The following GRIP1 variants were observed in gnomAD, a reference collection of about 807,000 sequenced individuals.
GRIP1 encodes the protein glutamate receptor-interacting protein 1.
Under a neutral mutation model 129.9 loss-of-function variants are expected in GRIP1, and 45 were observed. The observed-to-expected ratio is 0.35, with a 90% CI of 0.27 to 0.44. GRIP1 has a LOEUF of 0.44. Ranked by LOEUF, GRIP1 falls within the 20% of genes least tolerant of loss-of-function variation. GRIP1 has a pLI of 1.00. For missense variants in GRIP1, 1,196 were observed against 1,396.8 expected, an observed-to-expected ratio of 0.86 and a Z score of 2.29; for synonymous variants, 530 against 520.8, an observed-to-expected ratio of 1.02 and a Z score of -0.24.
chr12:66,664,251 T>C (rs2136206501), intron 1 of GRIP1, among the ~76,000 whole-genome samples: 1 of 152,332 alleles, frequency 6.6e-6, no homozygotes, highest in Admixed American at 6.5e-5. Flanking sequence ...GCTCAGACTC[T>C]ACTACCTGCA....
Position 66,515,755 on chromosome 12 carries a change from C to T in GRIP1, c.588G>A (p.Thr196=), listed in dbSNP as rs377676241. ...RPGGPADREG[T]IKPGDRLLSV... is the part of the protein sequence containing the mutation. ...TGAGCAACCTGTCACCGGGTTTGAT[C>T]GTGCCCTCTCTGAAGGGAGAATAAA... Residue 196 remains threonine, a synonymous_variant, in exon 7 of 25, where the codon ACG becomes ACA. Transcript: ENST00000359742. The T allele has an allele frequency of 3.4e-5, 55 of 1,613,480 alleles. No individual in the cohort carries two copies. The East Asian group carries it at 7.1e-4, about 21-fold the overall frequency.
At chr12:66,494,943 A>G (rs1214511002) in intron 7 of GRIP1, among the ~76,000 whole-genome samples, 1 of 152,162 alleles carries the variant, frequency 6.6e-6, no homozygotes, top group Non-Finnish European at 1.5e-5. Context: ...CATCTCAAAA[A>G]AGAAGAAATA....
At chr12:66,794,554 G>A (rs1450759657) in intron 1 of GRIP1, among the ~76,000 whole-genome samples, 5 of 152,138 alleles carry the variant, frequency 3.3e-5, no homozygotes, top group Admixed American at 6.6e-5. Context: ...GGGAGGATAC[G>A]ATTAAAAATA....
intron 1 of GRIP1, among the ~76,000 whole-genome samples, chr12:66,835,711 G>A (rs1216375629): frequency 1.3e-5 from 2 of 152,186 alleles, no homozygotes; most frequent in African/African-American, 4.8e-5. Flanking sequence ...CAAAACTAAG[G>A]ACAGTAAAAA....
At chr12:66,933,557 T>A (rs1029616687) in intron 1 of GRIP1, among the ~76,000 whole-genome samples, 1 of 152,148 alleles carries the variant, frequency 6.6e-6, no homozygotes, top group Non-Finnish European at 1.5e-5. Context: ...TCCAAAAAAA[T>A]TTAATTGAGG....
At chr12:67,029,835 G>A (rs1467058456) in intron 1 of GRIP1, among the ~76,000 whole-genome samples, 4 of 151,828 alleles carry the variant, frequency 2.6e-5, no homozygotes, top group Non-Finnish European at 4.4e-5. Context: ...TTTTGTATTT[G>A]AAGACATTCA....
rs143063629 is a variant in GRIP1 at position 66,897,203 on chromosome 12, C to T, written c.58+171847G>A. 3.9e-4 allele frequency among the ~76,000 whole-genome samples: 59 copies of T among 152,302 alleles called. No homozygotes were observed. In the East Asian group the frequency reaches 0.011, roughly 29 times the overall value. On this transcript the variant is annotated intron_variant, in intron 1 of 1. Coordinates refer to the GRIP1 transcript ENST00000643019. ...AGCACTTAGATGGGCACCCACCACC[C>T]AGGAGGCACTCGGTATGTGTCAATG... is the stretch of plus-strand genomic sequence containing the variant.
intron 23 of GRIP1, among the ~76,000 whole-genome samples, chr12:66,363,186 TGTGTGTGTGTGTCC>T (rs2054890384): frequency 2.0e-5 from 1 of 49,664 alleles, no homozygotes; most frequent in African/African-American, 6.6e-5. Flanking sequence ...TATGTATATA[TGTGTGTGTGTGTCC>T]ATATATATAT....
At chr12:66,466,643 T>C (rs1469924503) in intron 7 of GRIP1, among the ~76,000 whole-genome samples, 1 of 152,216 alleles carries the variant, frequency 6.6e-6, no homozygotes, top group Admixed American at 6.5e-5. Context: ...ACCTATACAA[T>C]GGTATCTTTT....
At chr12:66,602,023 T>G (rs1048243752) in intron 1 of GRIP1, among the ~76,000 whole-genome samples, 2 of 152,044 alleles carry the variant, frequency 1.3e-5, no homozygotes, top group Non-Finnish European at 2.9e-5. Flanking sequence ...TAGGTGGAGG[T>G]GAAGCACAGG....
At chr12:66,408,692 C>T (rs2057284303) in intron 15 of GRIP1, among the ~76,000 whole-genome samples, 1 of 152,048 alleles carries the variant, frequency 6.6e-6, no homozygotes, top group Non-Finnish European at 1.5e-5. Context: ...TAGGTACCAG[C>T]TCTGCAACAG....
intron 1 of GRIP1, among the ~76,000 whole-genome samples, chr12:66,783,903 T>A (rs2038236037): frequency 6.6e-6 from 1 of 152,186 alleles, no homozygotes; most frequent in Non-Finnish European, 1.5e-5. Flanking sequence ...GTAGTAGAAC[T>A]GAGACATTTA....
At chr12:66,885,701 C>A (rs1246912024) in intron 1 of GRIP1, among the ~76,000 whole-genome samples, 1 of 152,140 alleles carries the variant, frequency 6.6e-6, no homozygotes, top group East Asian at 1.9e-4. Flanking sequence ...GGTAAGCCTG[C>A]CAATCTCTCT....
intron 7 of GRIP1, among the ~76,000 whole-genome samples, chr12:66,467,645 G>A (rs1196702736): frequency 6.6e-6 from 1 of 152,150 alleles, no homozygotes; most frequent in East Asian, 1.9e-4. Context: ...AAAGATCTGT[G>A]GCTGAGCCCA....
intron 2 of GRIP1, among the ~76,000 whole-genome samples, chr12:66,555,828 G>A (rs1252372399): frequency 3.3e-5 from 5 of 151,896 alleles, no homozygotes; most frequent in Admixed American, 3.3e-4. Context: ...CAAGCAGAAG[G>A]AAGAATTAAT....
intron 23 of GRIP1, among the ~76,000 whole-genome samples, chr12:66,365,450 A>C (rs1039213112): frequency 1.3e-5 from 2 of 152,198 alleles, no homozygotes; most frequent in Admixed American, 1.3e-4. Context: ...CCTCCCTCCC[A>C]AAAAATATTA....
At chr12:66,765,385 T>G (rs908992139) in intron 1 of GRIP1, among the ~76,000 whole-genome samples, 1 of 152,220 alleles carries the variant, frequency 6.6e-6, no homozygotes. Context: ...TTCACACTCA[T>G]GACAATCTTT....
At chr12:66,865,172 G>A (rs547355579) in intron 1 of GRIP1, among the ~76,000 whole-genome samples, 5 of 152,044 alleles carry the variant, frequency 3.3e-5, no homozygotes, top group African/African-American at 4.8e-5. Context: ...AAGGAAGCAC[G>A]GCAAGAAGAC....
intron 23 of GRIP1, among the ~76,000 whole-genome samples, 166 bp downstream of exon 23, chr12:66,371,528 C>T (rs1471424647): frequency 1.3e-5 from 2 of 152,150 alleles, no homozygotes; most frequent in African/African-American, 4.8e-5. Context: ...GATAACCTCC[C>T]AGAGATTGTA....
Sources: allele counts gnomAD v4.1 joint callset (sites outside exome capture counted in the v4.1 genomes callset), GRCh38; gene constraint gnomAD v4.1.1; transcripts MANE v1.5; gene names NCBI Gene and HGNC (gene_info 2026-07-23, HGNC 2026-07-21).